XKRX: variants seen among roughly 807,000 people sequenced by gnomAD.
XKRX encodes XK-related protein 2.
Under a neutral mutation model 22.4 loss-of-function variants are expected in XKRX, and 11 were observed. That is an observed-to-expected ratio of 0.49 (90% confidence interval 0.31 to 0.81). The LOEUF is 0.81. Among genes scored for constraint, XKRX ranks in the 40% least tolerant of loss-of-function variants. The probability of loss-of-function intolerance (pLI) is 0.05; values close to 1 mark genes in which losing one functional copy is unlikely to be tolerated. For synonymous variants in XKRX, 114 were observed against 132.2 expected (o/e 0.86, Z 0.94); for missense variants, 320 against 336.5 (o/e 0.95, Z 0.38).
At chrX:100,896,395 C>T in the XKRX span, among the ~76,000 whole-genome samples, 2 of 111,517 alleles carry the variant, frequency 1.8e-5, no homozygotes, top group Non-Finnish European at 3.8e-5. Flanking sequence ...CATATATTCA[C>T]ATGGAATGAT....
the XKRX span, chrX:100,956,616 C>CT: frequency 1.9e-6 from 1 of 522,033 alleles, no homozygotes; most frequent in Non-Finnish European, 3.5e-6. Flanking sequence ...AGTATGAACT[C>CT]TTTTTTAAGA....
the XKRX span, chrX:100,957,185 C>CT: frequency 9.4e-7 from 1 of 1,063,673 alleles, no homozygotes. Context: ...AGGATTCTGG[C>CT]TTTTGGAGAG....
the XKRX span, among the ~76,000 whole-genome samples, chrX:100,902,495 A>G: frequency 5.4e-5 from 6 of 112,146 alleles, no homozygotes; most frequent in African/African-American, 1.9e-4. Flanking sequence ...AATTCTTAAC[A>G]AAGTATTAGC....
chrX:100,936,205 A>G, the XKRX span, among the ~76,000 whole-genome samples: 1 of 111,341 alleles, frequency 9.0e-6, no homozygotes, highest in African/African-American at 3.3e-5. Flanking sequence ...ACAATACAGC[A>G]TGATAAAGGT....
At chrX:100,926,716 AC>A (rs2085499449) in intron 1 of XKRX, among the ~76,000 whole-genome samples, 1 of 111,847 alleles carries the variant, frequency 8.9e-6, no homozygotes, top group Admixed American at 9.5e-5. Flanking sequence ...GACTGTTGAC[AC>A]AGGTGCCTAT....
Position 100,928,361 on chromosome X carries a change from C to T in XKRX, c.-57G>A. 1 of 816,330 alleles carries T rather than the reference C, an allele frequency of 1.2e-6. No homozygotes were observed. Among genetic ancestry groups the T allele is most frequent in the South Asian group, 2.3e-5 (1 of 42,920 alleles). The allele number at this position is 816,330 out of a possible 1,213,427, so 67.3% of individuals were successfully genotyped here. ...GTGTTCATAGCACCCTCCCACCCAT[C>T]CCCAAGAGAACCCTATGGCCGCTAC... is the stretch of plus-strand genomic sequence containing the variant. On this transcript the variant is annotated 5_prime_UTR_variant, in exon 1 of 3. Coordinates refer to ENST00000372956, the MANE Select transcript of XKRX (RefSeq NM_212559.3).
chrX:100,946,338 AGCCTACAT>A, the XKRX span, among the ~76,000 whole-genome samples: 1 of 112,215 alleles, frequency 8.9e-6, no homozygotes, highest in East Asian at 2.8e-4. Context: ...GCACTGCAAG[AGCCTACAT>A]TAATCAGAGA....
rs757618242 is a variant in XKRX at position 100,928,279 on chromosome X, T to G, written c.26A>C (p.Glu9Ala). The change falls in exon 1 of 3, where the codon GAG becomes GCG. Residue 9 changes from glutamate (E) to alanine (A), a missense_variant. Physicochemically the swap from Glu to Ala is moderately radical, Grantham distance 107. Transcript: ENST00000372956. Reference sequence around the variant, plus strand: ...TGAAACCGGATCCACATTTGGCTCCTCAGGAATTTCATAAACTCTGTCCAT... The same window carrying G: ...TGAAACCGGATCCACATTTGGCTCCGCAGGAATTTCATAAACTCTGTCCAT... MDRVYEIPEEPNVDPVSSL... is the reference protein window; with the variant it reads MDRVYEIPAEPNVDPVSSL... The G allele has an allele frequency of 2.5e-6, 3 of 1,209,090 alleles. No individual in the cohort carries two copies. In the East Asian group the frequency reaches 8.9e-5, roughly 36 times the overall value.
At chrX:100,937,607 T>C in the XKRX span, among the ~76,000 whole-genome samples, 1 of 111,745 alleles carries the variant, frequency 8.9e-6, no homozygotes. Flanking sequence ...TTATCCATCA[T>C]CCTAGTGTTG....
chrX:100,895,557 C>T, the XKRX span, among the ~76,000 whole-genome samples: 8 of 111,738 alleles, frequency 7.2e-5, no homozygotes, highest in Non-Finnish European at 1.1e-4. Flanking sequence ...CACAAGATGG[C>T]GAGAGCTCCA....
the XKRX span, among the ~76,000 whole-genome samples, chrX:100,937,497 C>T: frequency 2.7e-5 from 3 of 112,038 alleles, no homozygotes; most frequent in Non-Finnish European, 5.6e-5. Flanking sequence ...TACTTGCAGA[C>T]TCCAGAGTGC....
intron 1 of XKRX, 107 bp downstream of exon 1, chrX:100,927,863 G>A: frequency 1.0e-6 from 1 of 984,515 alleles, no homozygotes; most frequent in Non-Finnish European, 1.4e-6. Flanking sequence ...GAGGAAATGA[G>A]AGAATTGATT....
chrX:100,887,436 T>C, the XKRX span, among the ~76,000 whole-genome samples: 1 of 112,652 alleles, frequency 8.9e-6, no homozygotes. Context: ...GAAACTAAAA[T>C]AACCTGTTAT....
At chrX:100,959,287 C>T in the XKRX span, among the ~76,000 whole-genome samples, 1 of 110,695 alleles carries the variant, frequency 9.0e-6, no homozygotes, top group Non-Finnish European at 1.9e-5. Context: ...TTAAACAGTA[C>T]CAATAAAGTA....
At chrX:100,908,303 G>A in the XKRX span, among the ~76,000 whole-genome samples, 1 of 110,863 alleles carries the variant, frequency 9.0e-6, no homozygotes, top group Non-Finnish European at 1.9e-5. Flanking sequence ...TTTTAGTAGA[G>A]ACAGGGTTTC....
the XKRX span, among the ~76,000 whole-genome samples, chrX:100,948,608 T>C: frequency 8.9e-6 from 1 of 112,522 alleles, no homozygotes; most frequent in African/African-American, 3.2e-5. Context: ...AAGGGTGGCC[T>C]AGCAGAAGAG....
chrX:100,897,259 T>C, the XKRX span, among the ~76,000 whole-genome samples: 1 of 111,046 alleles, frequency 9.0e-6, no homozygotes, highest in African/African-American at 3.3e-5. Flanking sequence ...TGGAAATAGC[T>C]TTATAAACTC....
chrX:100,899,289 C>A, the XKRX span, among the ~76,000 whole-genome samples: 3 of 112,726 alleles, frequency 2.7e-5, no homozygotes, highest in South Asian at 1.1e-3. Flanking sequence ...CCAAGGCAGG[C>A]GGATCACTTG....
chrX:100,954,929 T>C, the XKRX span, among the ~76,000 whole-genome samples: 1 of 111,937 alleles, frequency 8.9e-6, no homozygotes, highest in Non-Finnish European at 1.9e-5. Flanking sequence ...CTAGTGGCTG[T>C]TAAGTGATAC....
Sources: allele counts gnomAD v4.1 joint callset (sites outside exome capture counted in the v4.1 genomes callset), GRCh38; gene constraint gnomAD v4.1.1; transcripts MANE v1.5; gene names NCBI Gene and HGNC (gene_info 2026-07-23, HGNC 2026-07-21).